KDM4C: variants seen among roughly 807,000 people sequenced by gnomAD.
KDM4C encodes the protein lysine demethylase 4C.
KDM4C carries 81 observed loss-of-function variants against 129.3 expected under a neutral mutation model. That is an observed-to-expected ratio of 0.63 (90% CI 0.52 to 0.75). KDM4C has a LOEUF of 0.75. KDM4C is among the 30% of genes least tolerant of loss of function. The pLI is 0.00. For missense variants in KDM4C, 1,457 were observed against 1,304.0 expected (o/e 1.12, Z -1.81); for synonymous variants, 573 against 456.1 (o/e 1.26, Z -3.26).
intron 1 of KDM4C, among the ~76,000 whole-genome samples, chr9:6,792,257 C>A (rs966002812): frequency 1.4e-4 from 21 of 151,362 alleles, no homozygotes; most frequent in Non-Finnish European, 2.7e-4. Flanking sequence ...GCAGGAAAAT[C>A]GCTTGAACCT....
At chr9:6,823,901 C>T (rs1365072420) in intron 4 of KDM4C, among the ~76,000 whole-genome samples, 2 of 152,200 alleles carry the variant, frequency 1.3e-5, no homozygotes, top group African/African-American at 4.8e-5. Context: ...TTACTTTCTC[C>T]TCGGGTTTTT....
chr9:6,805,503 G>A, intron 2 of KDM4C, 96 bp from the exon 3 acceptor site: 1 of 679,298 alleles, frequency 1.5e-6, no homozygotes, highest in Non-Finnish European at 2.2e-6. Context: ...TAGAGATACT[G>A]AGAAATTCTT....
chr9:7,169,213 T>C (rs1844709087), intron 20 of KDM4C, among the ~76,000 whole-genome samples: 1 of 152,232 alleles, frequency 6.6e-6, no homozygotes, highest in South Asian at 2.1e-4. Context: ...TGATTTCCAT[T>C]TGATCAGCAG....
At chr9:7,145,294 T>G (rs946078945) in intron 19 of KDM4C, among the ~76,000 whole-genome samples, 1 of 152,206 alleles carries the variant, frequency 6.6e-6, no homozygotes, top group African/African-American at 2.4e-5. Flanking sequence ...ATCACTAGAA[T>G]GGGACTTGAA....
intron 8 of KDM4C, among the ~76,000 whole-genome samples, chr9:6,926,325 G>C (rs1227350609): frequency 6.0e-5 from 5 of 83,210 alleles, no homozygotes; most frequent in African/African-American, 2.0e-4. Context: ...AGAAGCAGTT[G>C]TAGAGAGATA....
At chr9:7,165,176 A>AGG (rs1844245670) in intron 19 of KDM4C, 62 bp from the exon 20 acceptor site, 9 of 1,574,948 alleles carry the variant, frequency 5.7e-6, no homozygotes, top group Non-Finnish European at 7.8e-6. Flanking sequence ...ATCATTTGCT[A>AGG]AGTTCTAAAT....
At chr9:7,052,899 G>GAGAGAGAGAGAGCGAGAGAGCA (rs1564049753) in intron 17 of KDM4C, among the ~76,000 whole-genome samples, 1 of 9,990 alleles carries the variant, frequency 1.0e-4, no homozygotes, top group Non-Finnish European at 2.1e-4. Context: ...GAGAGAGAGA[G>GAGAGAGAGAGAGCGAGAGAGCA]AGCGAGCGAG....
intron 8 of KDM4C, among the ~76,000 whole-genome samples, chr9:6,907,028 C>T (rs1310749553): frequency 6.6e-6 from 1 of 152,142 alleles, no homozygotes; most frequent in Non-Finnish European, 1.5e-5. Context: ...TTTATAACAC[C>T]TCTGCCCAAT....
rs1173837410 is a variant in KDM4C, at chr9:7,151,481, TGCTGGGCAACATAGCAAGA to T, written c.2782-13756_2782-13738del. ...CGGAAGTGGTTGTGCCCAGCTATGT[TGCTGGGCAACATAGCAAGA>T]CCTCATCTCTACTTTTAAAAAAAAA... On this transcript the variant is annotated intron_variant, in intron 19 of 21. Transcript: ENST00000381309. 3.3e-5 allele frequency among the ~76,000 whole-genome samples: 5 copies of T among 152,168 alleles called. No individual in the cohort carries two copies. The East Asian group carries it at 9.7e-4, about 29-fold the overall frequency.
intron 1 of KDM4C, among the ~76,000 whole-genome samples, chr9:6,721,968 T>C (rs1468919298): frequency 6.6e-6 from 1 of 152,132 alleles, no homozygotes; most frequent in Non-Finnish European, 1.5e-5. Flanking sequence ...GCAATCCTCT[T>C]GCCTTGACCT....
At chr9:6,785,266 C>T (rs1286486014) in intron 1 of KDM4C, among the ~76,000 whole-genome samples, 2 of 151,722 alleles carry the variant, frequency 1.3e-5, no homozygotes, top group Non-Finnish European at 2.9e-5. Flanking sequence ...CCTTGGCTTG[C>T]AGCTGCATGA....
chr9:6,865,008 C>CTTTTTTTTT (rs777981928), intron 5 of KDM4C, among the ~76,000 whole-genome samples: 44 of 126,584 alleles, frequency 3.5e-4, no homozygotes, highest in Admixed American at 6.0e-4. Context: ...AAATTTCTTT[C>CTTTTTTTTT]TTTTTTTTTT....
chr9:7,065,434 G>C (rs1017736319), intron 17 of KDM4C, among the ~76,000 whole-genome samples: 2 of 151,934 alleles, frequency 1.3e-5, no homozygotes, highest in African/African-American at 4.8e-5. Flanking sequence ...GCCATCTGTT[G>C]CTTATAATTG....
intron 15 of KDM4C, among the ~76,000 whole-genome samples, chr9:7,030,112 G>T (rs1826476617): frequency 6.6e-6 from 1 of 152,062 alleles, no homozygotes; most frequent in African/African-American, 2.4e-5. Context: ...CTTCAGCCAA[G>T]GTTCTTTTTG....
chr9:6,834,927 G>A (rs1346988319), intron 4 of KDM4C: 11 of 1,151,684 alleles, frequency 9.6e-6, no homozygotes, highest in Non-Finnish European at 1.4e-5. Context: ...TCCGGTGACG[G>A]GGTCACCCAC....
At chr9:7,087,973 C>A (rs1835334907) in intron 17 of KDM4C, among the ~76,000 whole-genome samples, 1 of 152,196 alleles carries the variant, frequency 6.6e-6, no homozygotes, top group Non-Finnish European at 1.5e-5. Context: ...TTAAATGTGG[C>A]TTTGCACTAG....
chr9:7,045,218 G>A (rs567953120), intron 15 of KDM4C, among the ~76,000 whole-genome samples: 2 of 152,080 alleles, frequency 1.3e-5, no homozygotes, highest in South Asian at 2.1e-4. Flanking sequence ...ATGCTGCTGC[G>A]CTGTATTTGA....
chr9:6,887,810 C>G (rs922610534), intron 6 of KDM4C, 150 bp from the exon 7 acceptor site: 2 of 516,826 alleles, frequency 3.9e-6, no homozygotes, highest in Non-Finnish European at 3.5e-6. Flanking sequence ...AACTCTGACT[C>G]TGAGTTTTAG....
At chr9:7,107,727 G>C (rs1267915185) in intron 18 of KDM4C, among the ~76,000 whole-genome samples, 3 of 152,218 alleles carry the variant, frequency 2.0e-5, no homozygotes, top group African/African-American at 7.2e-5. Flanking sequence ...CATGGAGACA[G>C]ATACCTATTT....
Sources: allele counts gnomAD v4.1 joint callset (sites outside exome capture counted in the v4.1 genomes callset), GRCh38; gene constraint gnomAD v4.1.1; transcripts MANE v1.5; gene names NCBI Gene and HGNC (gene_info 2026-07-23, HGNC 2026-07-21).